THSD4: variants seen among roughly 807,000 people sequenced by gnomAD.
The protein encoded by THSD4 is thrombospondin type 1 domain containing 4, also known as thrombospondin type-1 domain-containing protein 4.
Under a neutral mutation model 119.0 loss-of-function variants are expected in THSD4, and 69 were observed. That is an observed-to-expected ratio of 0.58 (90% CI 0.48 to 0.71). THSD4 has a LOEUF of 0.71. Among genes scored for constraint, THSD4 ranks in the 30% least tolerant of loss-of-function variants. THSD4 has a pLI of 0.00. For synonymous variants in THSD4, 524 were observed against 540.4 expected, an observed-to-expected ratio of 0.97 and a Z score of 0.42; for missense variants, 1,393 against 1,391.1, an observed-to-expected ratio of 1.00 and a Z score of -0.02.
chr15:71,321,007 A>C (rs1363422155), intron 6 of THSD4, among the ~76,000 whole-genome samples: 1 of 152,230 alleles, frequency 6.6e-6, no homozygotes, highest in East Asian at 1.9e-4. Flanking sequence ...CGTTTTGAAA[A>C]TAAACGTTAA....
chr15:71,290,996 G>A (rs544296088), intron 6 of THSD4, among the ~76,000 whole-genome samples: 33 of 148,966 alleles, frequency 2.2e-4, no homozygotes, highest in African/African-American at 7.9e-4. Context: ...CCACTCCCCA[G>A]AGGCAAGTGT....
At chr15:71,760,062 G>T (rs1233972851) in intron 15 of THSD4, among the ~76,000 whole-genome samples, 1 of 152,130 alleles carries the variant, frequency 6.6e-6, no homozygotes, top group Non-Finnish European at 1.5e-5. Context: ...ACATTAACTG[G>T]CTTCAGAATA....
intron 7 of THSD4, among the ~76,000 whole-genome samples, chr15:71,578,922 C>A (rs2049507705): frequency 6.7e-6 from 1 of 148,728 alleles, no homozygotes; most frequent in South Asian, 2.1e-4. Flanking sequence ...CGGCTCACTG[C>A]AAGCTCTGCC....
chr15:71,326,484 CTGGCCAACACGGTGA>C (rs1159494914), intron 6 of THSD4, among the ~76,000 whole-genome samples: 2 of 150,092 alleles, frequency 1.3e-5, no homozygotes, highest in Non-Finnish European at 3.0e-5. Flanking sequence ...TGAGAACAGC[CTGGCCAACACGGTGA>C]AACCCCGTCT....
chr15:71,499,009 T>A (rs2048070841), intron 7 of THSD4, among the ~76,000 whole-genome samples: 1 of 151,906 alleles, frequency 6.6e-6, no homozygotes, highest in Non-Finnish European at 1.5e-5. Context: ...CCGGCACAGG[T>A]CAATGTTACA....
intron 7 of THSD4, among the ~76,000 whole-genome samples, chr15:71,551,901 C>A (rs2048936810): frequency 1.3e-5 from 2 of 152,200 alleles, no homozygotes; most frequent in South Asian, 4.1e-4. Context: ...GCCACCCTTA[C>A]CAGTTCTGGG....
In THSD4 at chr15:71,243,041, C is replaced by T; in HGVS notation, c.857C>T (p.Ser286Phe). ...CAGAGCTTCTCTCAGCCTGCCCGAT[C>T]TACAGCAATCTCATGCATCGGGGCC... is the stretch of plus-strand genomic sequence containing the variant. ...ATQSFSQPAR[S>F]TAISCIGAYR... is the part of the protein sequence containing the mutation. Residue 286 changes from serine to phenylalanine, a missense_variant, in exon 5 of 18, where the codon TCT (serine) becomes TTT (phenylalanine). Physicochemically the swap from Ser to Phe is radical, Grantham distance 155 (BLOSUM62 -2). Coordinates refer to ENST00000261862, the MANE Select transcript of THSD4 (RefSeq NM_024817.3). 1 of 1,614,216 alleles carries T rather than the reference C, an allele frequency of 6.2e-7. No homozygotes were observed. The highest frequency in any genetic ancestry group is 8.5e-7 in the Non-Finnish European group (1 of 1,180,038).
chr15:71,636,875 C>T (rs1236776274), intron 7 of THSD4, among the ~76,000 whole-genome samples: 4 of 151,808 alleles, frequency 2.6e-5, no homozygotes, highest in Non-Finnish European at 4.4e-5. Context: ...GGCGCTCTCT[C>T]TCAATATTTT....
intron 6 of THSD4, among the ~76,000 whole-genome samples, chr15:71,381,049 A>G (rs553020224): frequency 6.6e-6 from 1 of 152,316 alleles, no homozygotes; most frequent in African/African-American, 2.4e-5. Flanking sequence ...TGGGCTTGAC[A>G]AGCCAAACAT....
chr15:71,133,070 G>C (rs533495731), intron 1 of THSD4, among the ~76,000 whole-genome samples: 1 of 152,334 alleles, frequency 6.6e-6, no homozygotes, highest in African/African-American at 2.4e-5. Context: ...AGCCGTGGTA[G>C]TCTGATGTTT....
At chr15:71,177,789 C>T (rs1465509167) in intron 3 of THSD4, among the ~76,000 whole-genome samples, 20 of 146,060 alleles carry the variant, frequency 1.4e-4, no homozygotes, top group Non-Finnish European at 2.1e-4. Context: ...AGCTTATCCA[C>T]CATGATCAAG....
intron 6 of THSD4, among the ~76,000 whole-genome samples, chr15:71,398,719 C>T (rs185947134): frequency 6.6e-6 from 1 of 151,994 alleles, no homozygotes; most frequent in Non-Finnish European, 1.5e-5. Context: ...CCAGGGGGTG[C>T]AGAAAGAGGG....
intron 7 of THSD4, among the ~76,000 whole-genome samples, chr15:71,479,521 A>C (rs996017687): frequency 6.6e-6 from 1 of 152,168 alleles, no homozygotes; most frequent in African/African-American, 2.4e-5. Flanking sequence ...GTTTTGGGAA[A>C]CTGAGCACTA....
chr15:71,153,567 A>C (rs1334003363), intron 2 of THSD4, among the ~76,000 whole-genome samples: 1 of 152,172 alleles, frequency 6.6e-6, no homozygotes, highest in Admixed American at 6.5e-5. Flanking sequence ...CTCCTGGGTC[A>C]CTTACATACA....
At chr15:71,563,318 A>G (rs1216360258) in intron 7 of THSD4, among the ~76,000 whole-genome samples, 1 of 152,168 alleles carries the variant, frequency 6.6e-6, no homozygotes, top group Admixed American at 6.5e-5. Context: ...GAAATCTCGG[A>G]TAGTAAAGAC....
chr15:71,492,924 C>T (rs529330015), intron 7 of THSD4, among the ~76,000 whole-genome samples: 3 of 150,154 alleles, frequency 2.0e-5, no homozygotes, highest in Admixed American at 1.3e-4. Flanking sequence ...ATATAATGAA[C>T]TGTTGAAAAA....
intron 6 of THSD4, among the ~76,000 whole-genome samples, chr15:71,280,361 A>C (rs556667451): frequency 2.5e-4 from 38 of 152,278 alleles, no homozygotes; most frequent in Non-Finnish European, 5.0e-4. Flanking sequence ...TGTAAGCAGG[A>C]GAGTAGTATG....
At chr15:71,393,357 TCA>T (rs752147856) in intron 6 of THSD4, among the ~76,000 whole-genome samples, 55 of 152,052 alleles carry the variant, frequency 3.6e-4, no homozygotes, top group Non-Finnish European at 7.2e-4. Context: ...TTCTTCAGGG[TCA>T]CAGTTTCCAT....
chr15:71,702,927 G>C (rs1267872558), intron 8 of THSD4, among the ~76,000 whole-genome samples: 1 of 151,884 alleles, frequency 6.6e-6, no homozygotes, highest in Non-Finnish European at 1.5e-5. Context: ...GCTCAAAAAA[G>C]AGTTTGAGTG....
Sources: allele counts gnomAD v4.1 joint callset (sites outside exome capture counted in the v4.1 genomes callset), GRCh38; gene constraint gnomAD v4.1.1; transcripts MANE v1.5; gene names NCBI Gene and HGNC (gene_info 2026-07-23, HGNC 2026-07-21).